The following ADAMTS17 variants were observed in gnomAD, a reference collection of about 807,000 sequenced individuals.
ADAMTS17 encodes the protein ADAM metallopeptidase with thrombospondin type 1 motif 17.
Under a neutral mutation model 141.5 loss-of-function variants are expected in ADAMTS17, and 113 were observed. The ratio of observed to expected loss-of-function variants is 0.80; its 90% CI spans 0.69 to 0.93. The LOEUF is 0.93. ADAMTS17 is among the 40% of genes least tolerant of loss of function. The pLI, the probability that ADAMTS17 is intolerant of heterozygous loss-of-function variation, is 0.00. For missense variants in ADAMTS17, 1,659 were observed against 1,517.9 expected, an observed-to-expected ratio of 1.09 and a Z score of -1.54; for synonymous variants, 768 against 630.6, an observed-to-expected ratio of 1.22 and a Z score of -3.27.
chr15:100,239,890 C>T (rs1293232519), intron 7 of ADAMTS17, among the ~76,000 whole-genome samples: 1 of 152,140 alleles, frequency 6.6e-6, no homozygotes, highest in African/African-American at 2.4e-5. Flanking sequence ...CACGCCCCAC[C>T]TTCAGGATCA....
intron 3 of ADAMTS17, among the ~76,000 whole-genome samples, chr15:100,285,737 A>C (rs1193504431): frequency 6.6e-6 from 1 of 152,132 alleles, no homozygotes; most frequent in Non-Finnish European, 1.5e-5. Flanking sequence ...CTGCTGAGAG[A>C]GGTGGCAGGG....
intron 4 of ADAMTS17, among the ~76,000 whole-genome samples, chr15:100,278,569 G>C (rs1425908085): frequency 1.3e-5 from 2 of 152,186 alleles, no homozygotes; most frequent in African/African-American, 4.8e-5. Flanking sequence ...TCGACATGAG[G>C]CCTCTACTCT....
rs552356228 is a variant in ADAMTS17, at chr15:100,116,922, G to A, written c.1813C>T (p.Arg605Trp). 1.6e-5 allele frequency: 26 copies of A among 1,614,148 alleles called. No individual in the cohort carries two copies. Among genetic ancestry groups the A allele is most frequent in the Admixed American group, 5.0e-5 (3 of 60,030 alleles). Residue 605 changes from arginine (R) to tryptophan (W), a missense_variant, in exon 13 of 22, where the codon CGG (arginine) becomes TGG (tryptophan). Arg to Trp is a moderately radical substitution (Grantham distance 101, BLOSUM62 -3). Transcript: ENST00000268070. Reference sequence around the variant, plus strand: ...TCGTGTGCCTGGCACTGCTGGTCCCGGAAGCTGGGCAGACCCTTGGGGCAG... The same window carrying A: ...TCGTGTGCCTGGCACTGCTGGTCCCAGAAGCTGGGCAGACCCTTGGGGCAG... ...LPCPKGLPSF[R>W]DQQCQAHDRL...
chr15:100,036,845 T>C (rs1161465045), intron 18 of ADAMTS17, among the ~76,000 whole-genome samples: 1 of 152,220 alleles, frequency 6.6e-6, no homozygotes, highest in Non-Finnish European at 1.5e-5. Flanking sequence ...ATGTGACCTT[T>C]TGTGTCTGGC....
At chr15:100,262,178 C>T (rs1373493709) in intron 5 of ADAMTS17, among the ~76,000 whole-genome samples, 174 bp downstream of exon 5, 6 of 152,144 alleles carry the variant, frequency 3.9e-5, no homozygotes, top group Non-Finnish European at 5.9e-5. Flanking sequence ...CAACAGCCCC[C>T]CCTCACACCA....
chr15:100,132,006 C>A lies in ADAMTS17; in HGVS notation c.1721+1G>T. Reference sequence around the variant, plus strand: ...GGGGTATGGCTGGTCAGGGGACTTACGGGGGGTTGTCACATTTCCTCTGCC... The same window carrying A: ...GGGGTATGGCTGGTCAGGGGACTTAAGGGGGGTTGTCACATTTCCTCTGCC... On this transcript the variant is annotated splice_donor_variant, in intron 12 of 21. Coordinates refer to ENST00000268070, the MANE Select transcript of ADAMTS17 (RefSeq NM_139057.4). LOFTEE classifies it high-confidence loss of function. The A allele has an allele frequency of 6.2e-7, 1 of 1,614,092 alleles. No individual in the cohort carries two copies. Among genetic ancestry groups the A allele is most frequent in the Non-Finnish European group, 8.5e-7 (1 of 1,180,024 alleles).
chr15:100,002,734 A>T (rs1469568677), intron 18 of ADAMTS17, among the ~76,000 whole-genome samples: 1 of 152,082 alleles, frequency 6.6e-6, no homozygotes, highest in Non-Finnish European at 1.5e-5. Flanking sequence ...CTGTTTTCAC[A>T]TGGGAGATTC....
At chr15:100,326,082 CTT>C (rs1395500839) in intron 3 of ADAMTS17, among the ~76,000 whole-genome samples, 6 of 152,204 alleles carry the variant, frequency 3.9e-5, no homozygotes, top group Non-Finnish European at 8.8e-5. Flanking sequence ...TCAAGGGACT[CTT>C]TTTCTGGGGT....
At chr15:100,092,236 T>TA (rs1423532056) in intron 15 of ADAMTS17, among the ~76,000 whole-genome samples, 1 of 152,244 alleles carries the variant, frequency 6.6e-6, no homozygotes, top group Non-Finnish European at 1.5e-5. Context: ...GGTTTCATCT[T>TA]ACAGTTTTTC....
chr15:100,020,494 C>T (rs1257582145), intron 18 of ADAMTS17, among the ~76,000 whole-genome samples: 2 of 152,162 alleles, frequency 1.3e-5, no homozygotes, highest in Admixed American at 6.5e-5. Context: ...GAATCCCCAC[C>T]CACAACTACC....
chr15:100,146,124 G>C (rs2012060875), intron 10 of ADAMTS17, among the ~76,000 whole-genome samples: 1 of 152,214 alleles, frequency 6.6e-6, no homozygotes, highest in South Asian at 2.1e-4. Context: ...ACTGAGCTGA[G>C]ATCGAGCTAC....
At chr15:100,244,763 G>C (rs907108304) in intron 7 of ADAMTS17, among the ~76,000 whole-genome samples, 10 of 152,038 alleles carry the variant, frequency 6.6e-5, no homozygotes, top group Admixed American at 6.6e-4. Context: ...TTGTTTCAAT[G>C]GCACTGGCTA....
chr15:100,029,311 A>G (rs2573587), intron 18 of ADAMTS17, among the ~76,000 whole-genome samples: 119,696 of 152,182 alleles, frequency 0.79, 47,834 homozygotes, highest in African/African-American at 0.91. Context: ...TAGGGATCTA[A>G]ATTTAACCCT....
At chr15:100,071,743 T>A (rs146764353) in intron 15 of ADAMTS17, among the ~76,000 whole-genome samples, 1 of 150,112 alleles carries the variant, frequency 6.7e-6, no homozygotes, top group Non-Finnish European at 1.5e-5. Flanking sequence ...AAATTAGGTA[T>A]TGATAGGTAT....
chr15:100,178,196 T>A (rs1405395558), intron 8 of ADAMTS17, among the ~76,000 whole-genome samples: 1 of 152,200 alleles, frequency 6.6e-6, no homozygotes, highest in Non-Finnish European at 1.5e-5. Flanking sequence ...AGGGATTAAG[T>A]GTGCCATTTT....
At position 100,109,049 on chromosome 15, in the gene ADAMTS17, G is replaced by C. The variant is rs1247344087; in HGVS notation, c.1956C>G (p.Val652=). ...AGGGCCCGCAGGGTGTACCGTCCAGGACCCTGTCGGCCACCAGCAGTGGGG... is the reference window on the plus strand; with the variant it reads ...AGGGCCCGCAGGGTGTACCGTCCAGCACCCTGTCGGCCACCAGCAGTGGGG... ...KESPLLVADR[V]LDGTPCGPYE... The change falls in exon 14 of 22, where the codon GTC becomes GTG. Residue 652 remains valine (V), a synonymous_variant. Transcript: ENST00000268070. 3.1e-6 allele frequency: 5 copies of C among 1,613,996 alleles called. No homozygotes were observed. Among genetic ancestry groups the C allele is most frequent in the Non-Finnish European group, 3.4e-6 (4 of 1,180,050 alleles).
chr15:100,282,669 C>A (rs991078184), intron 3 of ADAMTS17, among the ~76,000 whole-genome samples: 2 of 152,078 alleles, frequency 1.3e-5, no homozygotes, highest in South Asian at 4.1e-4. Flanking sequence ...TAAGAGGTAA[C>A]CACTGTATTA....
chr15:100,097,692 A>G (rs1022752760), intron 14 of ADAMTS17, among the ~76,000 whole-genome samples: 3 of 152,192 alleles, frequency 2.0e-5, no homozygotes, highest in African/African-American at 7.2e-5. Context: ...TCCCAGCCCT[A>G]GAGTTTCTGA....
At chr15:100,329,675 A>T (rs1475198088) in intron 3 of ADAMTS17, among the ~76,000 whole-genome samples, 1 of 152,180 alleles carries the variant, frequency 6.6e-6, no homozygotes, top group Non-Finnish European at 1.5e-5. Flanking sequence ...AAAGAACAGA[A>T]AAACCCTAAT....
Sources: allele counts gnomAD v4.1 joint callset (sites outside exome capture counted in the v4.1 genomes callset), GRCh38; gene constraint gnomAD v4.1.1; transcripts MANE v1.5; gene names NCBI Gene and HGNC (gene_info 2026-07-23, HGNC 2026-07-21).